The following TENM3 variants were observed in gnomAD, a reference collection of about 807,000 sequenced individuals.
TENM3 encodes the protein teneurin-3.
In TENM3, 63 loss-of-function variants were observed where a neutral mutation model predicts 255.1. That is an observed-to-expected ratio of 0.25 (90% CI 0.20 to 0.30). The LOEUF is 0.30. Among genes scored for constraint, TENM3 ranks in the 10% least tolerant of loss-of-function variants. TENM3 has a pLI of 1.00. For missense variants in TENM3, 2,929 were observed against 3,461.1 expected (o/e 0.85, Z 3.86); for synonymous variants, 1,306 against 1,322.3 (o/e 0.99, Z 0.27).
At chr4:181,671,416 C>A in the TENM3 span, among the ~76,000 whole-genome samples, 1 of 152,168 alleles carries the variant, frequency 6.6e-6, no homozygotes, top group Non-Finnish European at 1.5e-5. Flanking sequence ...AGTAAATGGG[C>A]AGAGTGTGAT....
intron 4 of TENM3, among the ~76,000 whole-genome samples, chr4:182,612,408 TCC>T (rs1749098499): frequency 6.6e-6 from 1 of 152,068 alleles, no homozygotes; most frequent in South Asian, 2.1e-4. Flanking sequence ...ACTCCTCTTC[TCC>T]TTTTCTCAGG....
chr4:182,675,911 G>A (rs1322854900), intron 7 of TENM3, among the ~76,000 whole-genome samples: 2 of 152,176 alleles, frequency 1.3e-5, no homozygotes, highest in Non-Finnish European at 2.9e-5. Flanking sequence ...CACAATACAT[G>A]TGATATCCTC....
At chr4:182,674,762 G>T (rs755096824) in intron 7 of TENM3, among the ~76,000 whole-genome samples, 1 of 152,116 alleles carries the variant, frequency 6.6e-6, no homozygotes, top group African/African-American at 2.4e-5. Context: ...TTTTTGTAGA[G>T]ATGTGGTTTC....
At chr4:181,563,775 C>G in the TENM3 span, among the ~76,000 whole-genome samples, 1 of 152,142 alleles carries the variant, frequency 6.6e-6, no homozygotes, top group Admixed American at 6.5e-5. Context: ...AAATAAGGCC[C>G]ATGCTCTTAA....
chr4:181,643,055 G>A, the TENM3 span, among the ~76,000 whole-genome samples: 1 of 152,176 alleles, frequency 6.6e-6, no homozygotes, highest in Non-Finnish European at 1.5e-5. Flanking sequence ...GTTAATGGTA[G>A]CTTGATGGGG....
chr4:181,455,930 G>A, the TENM3 span, among the ~76,000 whole-genome samples: 4 of 151,754 alleles, frequency 2.6e-5, no homozygotes, highest in South Asian at 2.1e-4. Context: ...CTCACACTAC[G>A]GTGGGAAGGG....
chr4:182,428,721 G>T (rs966349973), intron 3 of TENM3, among the ~76,000 whole-genome samples: 1 of 151,774 alleles, frequency 6.6e-6, no homozygotes. Flanking sequence ...AAAATATTTC[G>T]TAAAATATAA....
At chr4:181,474,742 A>AAC in the TENM3 span, among the ~76,000 whole-genome samples, 73 of 149,576 alleles carry the variant, frequency 4.9e-4, no homozygotes, top group Middle Eastern at 3.4e-3. Flanking sequence ...CTCAAAACAA[A>AAC]AAAAAAAAAA....
chr4:181,861,899 CA>C, the TENM3 span, among the ~76,000 whole-genome samples: 1 of 152,188 alleles, frequency 6.6e-6, no homozygotes, highest in East Asian at 1.9e-4. Context: ...TCACTGTCAG[CA>C]AGATAACTCA....
intron 3 of TENM3, among the ~76,000 whole-genome samples, chr4:182,555,203 G>A (rs2151948651): frequency 6.6e-6 from 1 of 152,136 alleles, no homozygotes; most frequent in Admixed American, 6.5e-5. Context: ...AAATCATTCT[G>A]TATTGTTCAG....
the TENM3 span, among the ~76,000 whole-genome samples, chr4:181,920,044 C>A: frequency 6.6e-6 from 1 of 151,846 alleles, no homozygotes; most frequent in Non-Finnish European, 1.5e-5. Context: ...TCCTCCATGT[C>A]CCTACAAAGG....
At chr4:181,610,525 G>A in the TENM3 span, among the ~76,000 whole-genome samples, 644 of 152,190 alleles carry the variant, frequency 4.2e-3, 1 homozygote, top group Non-Finnish European at 7.2e-3. Context: ...ACACAGAGGC[G>A]TAAAAGCATT....
At chr4:181,620,188 G>T in the TENM3 span, among the ~76,000 whole-genome samples, 1 of 152,052 alleles carries the variant, frequency 6.6e-6, no homozygotes, top group African/African-American at 2.4e-5. Context: ...TTGATCCCAG[G>T]AAATCGAGGC....
the TENM3 span, among the ~76,000 whole-genome samples, chr4:181,722,891 C>T: frequency 6.6e-6 from 1 of 152,098 alleles, no homozygotes; most frequent in African/African-American, 2.4e-5. Flanking sequence ...TTGGTAAGCA[C>T]AGGACTCATT....
chr4:182,383,126 G>A (rs149534466), intron 3 of TENM3, among the ~76,000 whole-genome samples: 1,590 of 152,288 alleles, frequency 0.01, 19 homozygotes, highest in Non-Finnish European at 0.015. Flanking sequence ...AAGAACAGGT[G>A]TGGAGTCGGG....
chr4:181,964,343 A>G, the TENM3 span, among the ~76,000 whole-genome samples: 3 of 152,148 alleles, frequency 2.0e-5, no homozygotes, highest in Admixed American at 6.5e-5. Flanking sequence ...TAGAACTTCA[A>G]TCTCCGGTAA....
chr4:181,554,208 T>C, the TENM3 span, among the ~76,000 whole-genome samples: 1 of 152,286 alleles, frequency 6.6e-6, no homozygotes, highest in African/African-American at 2.4e-5. Context: ...ATTACTAGAA[T>C]AGAGTGAAAT....
the TENM3 span, among the ~76,000 whole-genome samples, chr4:181,662,756 G>A: frequency 3.3e-5 from 5 of 152,168 alleles, no homozygotes; most frequent in African/African-American, 1.2e-4. Context: ...TCTTCTCCTT[G>A]AAGTGTTTTA....
the TENM3 span, among the ~76,000 whole-genome samples, chr4:181,878,564 G>A: frequency 1.3e-5 from 2 of 152,050 alleles, no homozygotes; most frequent in African/African-American, 2.4e-5. Flanking sequence ...AATGCTGAGA[G>A]TTTACCTTAA....
Sources: allele counts gnomAD v4.1 joint callset (sites outside exome capture counted in the v4.1 genomes callset), GRCh38; gene constraint gnomAD v4.1.1; transcripts MANE v1.5; gene names NCBI Gene and HGNC (gene_info 2026-07-23, HGNC 2026-07-21).